Variants in NMBR observed in about 807,000 individuals in gnomAD.
The protein encoded by NMBR is neuromedin B receptor, also known as neuromedin-B receptor.
In NMBR, 16 loss-of-function variants were observed where a neutral mutation model predicts 20.5. The observed-to-expected ratio is 0.78, with a 90% CI of 0.53 to 1.19. The LOEUF (loss-of-function observed/expected upper bound fraction) is 1.19. NMBR is among the 50% of genes most tolerant of loss of function. The pLI, the probability that NMBR is intolerant of heterozygous loss-of-function variation, is 0.00. For missense variants in NMBR, 582 were observed against 499.1 expected, an observed-to-expected ratio of 1.17 and a Z score of -1.58; for synonymous variants, 212 against 196.6, an observed-to-expected ratio of 1.08 and a Z score of -0.65.
At position 142,088,389 on chromosome 6, in the gene NMBR, C is replaced by G; in HGVS notation, c.270G>C (p.Leu90Phe). Residue 90 changes from leucine (L) to phenylalanine (F), a missense_variant, in exon 2 of 4, where the codon TTG (leucine) becomes TTC (phenylalanine). Coordinates refer to ENST00000258042, the MANE Select transcript of NMBR (RefSeq NM_002511.4). ...IFISNLAAGD[L>F]LLLLTCVPVD... Reference sequence around the variant, plus strand: ...CCGGGACGCAGGTGAGCAGCAGCAGCAAGTCCCCGGCCGCCAGGTTAGAGA... The same window carrying G: ...CCGGGACGCAGGTGAGCAGCAGCAGGAAGTCCCCGGCCGCCAGGTTAGAGA... 1 of 1,614,150 alleles carries G rather than the reference C, an allele frequency of 6.2e-7. No homozygotes were observed. Among genetic ancestry groups the G allele is most frequent in the Non-Finnish European group, 8.5e-7 (1 of 1,180,032 alleles).
chr6:142,130,256 G>T (rs1778115759), intron 1 of NMBR, among the ~76,000 whole-genome samples: 1 of 151,722 alleles, frequency 6.6e-6, no homozygotes, highest in African/African-American at 2.4e-5. Context: ...AGATGAGTTT[G>T]CAGGAAAAAC....
intron 1 of NMBR, among the ~76,000 whole-genome samples, chr6:142,091,362 C>T (rs193122080): frequency 7.2e-5 from 11 of 152,132 alleles, no homozygotes; most frequent in Middle Eastern, 3.4e-3. Flanking sequence ...TAGCTGGGAC[C>T]GCAAGTGTGC....
chr6:142,121,419 C>T (rs1777942259), intron 1 of NMBR, among the ~76,000 whole-genome samples: 1 of 151,848 alleles, frequency 6.6e-6, no homozygotes, highest in Non-Finnish European at 1.5e-5. Context: ...ACTGAAAGCT[C>T]GACCTCTTGC....
chr6:142,100,310 G>A (rs1012747612), intron 1 of NMBR, among the ~76,000 whole-genome samples: 1 of 151,800 alleles, frequency 6.6e-6, no homozygotes, highest in Non-Finnish European at 1.5e-5. Flanking sequence ...GAAGAAAGAT[G>A]TCCTTTAGTA....
intron 1 of NMBR, among the ~76,000 whole-genome samples, chr6:142,128,034 G>C (rs1440700458): frequency 6.6e-6 from 1 of 151,968 alleles, no homozygotes; most frequent in Non-Finnish European, 1.5e-5. Flanking sequence ...CTCAATGTTG[G>C]AGGTGGGACC....
intron 1 of NMBR, among the ~76,000 whole-genome samples, chr6:142,144,504 C>G (rs1479873132): frequency 1.3e-5 from 2 of 152,184 alleles, no homozygotes; most frequent in African/African-American, 4.8e-5. Context: ...TGTTCTACAG[C>G]TCTGCCCTCC....
intron 1 of NMBR, among the ~76,000 whole-genome samples, chr6:142,090,972 A>T (rs1777310163): frequency 6.6e-6 from 1 of 152,134 alleles, no homozygotes; most frequent in East Asian, 1.9e-4. Flanking sequence ...GCATTGTAGA[A>T]ACAAGCCATC....
intron 2 of NMBR, among the ~76,000 whole-genome samples, chr6:142,086,253 T>A (rs374657170): frequency 1.3e-5 from 2 of 152,284 alleles, no homozygotes; most frequent in East Asian, 1.9e-4. Flanking sequence ...AGCTTTAAAG[T>A]TTTTAATTTA....
intron 2 of NMBR, 77 bp downstream of exon 2, chr6:142,088,160 T>C (rs1005888092): frequency 2.1e-5 from 30 of 1,432,334 alleles, no homozygotes; most frequent in Non-Finnish European, 2.8e-5. Context: ...TGCCAGTAGG[T>C]GCACTCCGGG....
At chr6:142,142,913 C>T (rs1409551437) in intron 1 of NMBR, among the ~76,000 whole-genome samples, 2 of 151,786 alleles carry the variant, frequency 1.3e-5, no homozygotes, top group African/African-American at 4.8e-5. Context: ...AGCAAGACTC[C>T]ACCTCTACAA....
chr6:142,115,066 T>C (rs1279902268), intron 1 of NMBR, among the ~76,000 whole-genome samples: 1 of 152,100 alleles, frequency 6.6e-6, no homozygotes, highest in Non-Finnish European at 1.5e-5. Flanking sequence ...TCAGAGTGAT[T>C]GTTTGCTCAC....
intron 2 of NMBR, among the ~76,000 whole-genome samples, chr6:142,079,154 G>A (rs9496255): frequency 0.11 from 8,298 of 76,088 alleles, 379 homozygotes; most frequent in Admixed American, 0.23. Flanking sequence ...AAAGAAGAGA[G>A]GAGAGGAGAG....
At chr6:142,131,659 T>C (rs774170728) in intron 1 of NMBR, among the ~76,000 whole-genome samples, 1 of 152,204 alleles carries the variant, frequency 6.6e-6, no homozygotes, top group Non-Finnish European at 1.5e-5. Context: ...GGCCCACGTA[T>C]GGTTTATTCC....
intron 1 of NMBR, chr6:142,134,862 A>G: frequency 3.1e-6 from 2 of 635,468 alleles, no homozygotes; most frequent in Non-Finnish European, 5.6e-6. Context: ...CAATTTTATT[A>G]TTTGTTGCTG....
intron 1 of NMBR, among the ~76,000 whole-genome samples, chr6:142,099,214 A>G (rs2114578782): frequency 6.6e-6 from 1 of 152,330 alleles, no homozygotes; most frequent in South Asian, 2.1e-4. Context: ...TTCCTGGAAG[A>G]TCACATAGAA....
chr6:142,144,097 G>A (rs1380721294), intron 1 of NMBR, among the ~76,000 whole-genome samples: 1 of 152,166 alleles, frequency 6.6e-6, no homozygotes, highest in African/African-American at 2.4e-5. Context: ...AGCCATGGGC[G>A]GATGGGGTGG....
intron 1 of NMBR, among the ~76,000 whole-genome samples, chr6:142,090,693 G>C (rs1483288573): frequency 6.6e-6 from 1 of 151,406 alleles, no homozygotes; most frequent in Non-Finnish European, 1.5e-5. Context: ...ATGTCTCTAG[G>C]AATTTTATCT....
At chr6:142,124,850 T>C (rs1778003690) in intron 1 of NMBR, among the ~76,000 whole-genome samples, 1 of 151,972 alleles carries the variant, frequency 6.6e-6, no homozygotes, top group Non-Finnish European at 1.5e-5. Context: ...TTATAAGAAT[T>C]AGAATCATAA....
chr6:142,077,274 GA>G (rs2114551963), intron 3 of NMBR, among the ~76,000 whole-genome samples: 1 of 152,194 alleles, frequency 6.6e-6, no homozygotes, highest in Non-Finnish European at 1.5e-5. Flanking sequence ...TCCCAATAGG[GA>G]AATTCACAAA....
Sources: gnomAD v4.1 joint callset for allele counts (sites outside exome capture counted in the v4.1 genomes callset) on GRCh38, gnomAD v4.1.1 for gene constraint, MANE v1.5 for transcripts, NCBI Gene and HGNC (gene_info 2026-07-23, HGNC 2026-07-21) for gene names.